Variants in RIMBP2 observed in about 807,000 individuals in gnomAD.
The protein encoded by RIMBP2 is RIMS-binding protein 2.
In RIMBP2, 48 loss-of-function variants were observed where a neutral mutation model predicts 118.6. The ratio of observed to expected loss-of-function variants is 0.40; its 90% CI spans 0.32 to 0.51. The LOEUF (loss-of-function observed/expected upper bound fraction) is 0.51, where lower values mean the gene tolerates loss of function less well. Ranked by LOEUF, RIMBP2 falls within the 20% of genes least tolerant of loss-of-function variation. The probability of loss-of-function intolerance (pLI) is 0.41; values close to 1 mark genes in which losing one functional copy is unlikely to be tolerated. For synonymous variants in RIMBP2, 762 were observed against 742.9 expected, an observed-to-expected ratio of 1.03 and a Z score of -0.42; for missense variants, 1,551 against 1,768.3, an observed-to-expected ratio of 0.88 and a Z score of 2.20.
chr12:130,577,433 A>G (rs1438969521), intron 2 of RIMBP2, among the ~76,000 whole-genome samples: 1 of 152,240 alleles, frequency 6.6e-6, no homozygotes, highest in African/African-American at 2.4e-5. Context: ...GGGAGGCCTC[A>G]GGAAACTTAC....
chr12:130,520,672 CAAAA>C (rs1162018669), intron 2 of RIMBP2, among the ~76,000 whole-genome samples: 21 of 68,822 alleles, frequency 3.1e-4, no homozygotes, highest in East Asian at 1.0e-3. Context: ...AACTCCATCT[CAAAA>C]AAAAAAAAAA....
chr12:130,428,496 G>A, intron 14 of RIMBP2, 159 bp from the exon 15 acceptor site: 1 of 669,332 alleles, frequency 1.5e-6, no homozygotes, highest in Non-Finnish European at 2.4e-6. Context: ...TGGAAAGTGA[G>A]GCTGGAGAGA....
intron 2 of RIMBP2, among the ~76,000 whole-genome samples, chr12:130,608,183 C>T (rs780034916): frequency 6.6e-6 from 1 of 152,170 alleles, no homozygotes; most frequent in Non-Finnish European, 1.5e-5. Flanking sequence ...TGCTAGAAAA[C>T]GCTTTGGTTT....
At chr12:130,537,106 G>A (rs1007338327) in intron 2 of RIMBP2, among the ~76,000 whole-genome samples, 1 of 152,186 alleles carries the variant, frequency 6.6e-6, no homozygotes, top group Non-Finnish European at 1.5e-5. Flanking sequence ...AGGGCCAGAT[G>A]CAGTGTGGTG....
At chr12:130,516,090 G>C (rs1432734329) in intron 3 of RIMBP2, among the ~76,000 whole-genome samples, 3 of 152,128 alleles carry the variant, frequency 2.0e-5, no homozygotes, top group African/African-American at 7.2e-5. Flanking sequence ...GTTTTCTATA[G>C]TGGTTGCACC....
At chr12:130,437,352 G>A in intron 12 of RIMBP2, 61 bp from the exon 13 acceptor site, 1 of 1,406,452 alleles carries the variant, frequency 7.1e-7, no homozygotes, top group South Asian at 1.3e-5. Context: ...TCCTGCAATG[G>A]GGAGCCGACC....
In RIMBP2 at chr12:130,707,986, C is replaced by T. The variant is rs192409028; in HGVS notation, c.-352+8236G>A. Among the ~76,000 whole-genome samples, 123 of 152,226 alleles carry T rather than the reference C, an allele frequency of 8.1e-4. 1 individual carries two copies. The highest frequency in any genetic ancestry group is 2.9e-3 in the African/African-American group (121 of 41,546). On this transcript the variant is annotated intron_variant, in intron 1 of 22. Transcript: ENST00000690449. ...GACTATATTTGCAATAATCTCAGGC[C>T]TTTTAGAAAGTACTGATGCCTGTGG... is the stretch of plus-strand genomic sequence containing the variant.
chr12:130,396,449 C>CTT lies in RIMBP2; in HGVS notation c.*910_*911dup. On this transcript the variant is annotated 3_prime_UTR_variant, in exon 23 of 23. Transcript: ENST00000690449. ...TCTGCCAGCAACTTTGTAAGTAAGT[C>CTT]TTTTGTTCAAATGCCAATGATGAAG... The CTT allele has an allele frequency of 6.6e-6, 1 of 152,650 alleles. No individual in the cohort carries two copies. Among genetic ancestry groups the CTT allele is most frequent in the South Asian group, 2.1e-4 (1 of 4,824 alleles). The allele number at this position is 152,650 out of a possible 1,614,324, so 9.5% of individuals were successfully genotyped here.
At chr12:130,456,210 T>C (rs1429514867) in intron 7 of RIMBP2, among the ~76,000 whole-genome samples, 1 of 152,204 alleles carries the variant, frequency 6.6e-6, no homozygotes, top group African/African-American at 2.4e-5. Context: ...CATCAGCATC[T>C]GTGTGACCCA....
chr12:130,441,895 T>C lies in RIMBP2; in HGVS notation c.1457A>G (p.Gln486Arg), dbSNP rs2078168822. ...CACAAAGGCCTCCTTCTTCTCCCTT[T>C]GCTCCAGCGGGAGCTGCCACGGCAT... is the stretch of plus-strand genomic sequence containing the variant. Reference protein sequence around the residue: ...HQMPWQLPLEQREKKEAFVEF... With the variant: ...HQMPWQLPLERREKKEAFVEF... Residue 486 changes from glutamine to arginine, a missense_variant, in exon 11 of 23, where the codon CAA becomes CGA. Transcript: ENST00000690449. 1 of 1,613,742 alleles carries C rather than the reference T, an allele frequency of 6.2e-7. No homozygotes were observed. Among genetic ancestry groups the C allele is most frequent in the Non-Finnish European group, 8.5e-7 (1 of 1,180,054 alleles).
At chr12:130,513,490 C>T (rs1229422587) in intron 3 of RIMBP2, among the ~76,000 whole-genome samples, 2 of 148,028 alleles carry the variant, frequency 1.4e-5, no homozygotes, top group East Asian at 2.0e-4. Flanking sequence ...AGACCTGCTA[C>T]AGGAACAGTG....
At chr12:130,546,549 G>C (rs534149505) in intron 2 of RIMBP2, among the ~76,000 whole-genome samples, 2 of 152,256 alleles carry the variant, frequency 1.3e-5, no homozygotes, top group South Asian at 4.2e-4. Flanking sequence ...GCCCACCTCA[G>C]CCTCCCGAAG....
chr12:130,676,360 C>G, intron 1 of RIMBP2, among the ~76,000 whole-genome samples: 1 of 150,134 alleles, frequency 6.7e-6, no homozygotes, highest in Non-Finnish European at 1.5e-5. Context: ...CACGGTTGCT[C>G]ACGCCTGTAA....
At chr12:130,461,257 T>G (rs1056827337) in intron 6 of RIMBP2, among the ~76,000 whole-genome samples, 3 of 152,050 alleles carry the variant, frequency 2.0e-5, no homozygotes, top group Admixed American at 1.3e-4. Context: ...TCCTTACACC[T>G]CGGGGGGTCC....
At chr12:130,647,820 C>T (rs1298953410) in intron 1 of RIMBP2, among the ~76,000 whole-genome samples, 1 of 146,142 alleles carries the variant, frequency 6.8e-6, no homozygotes, top group East Asian at 1.9e-4. Context: ...CTCTACCTCT[C>T]TGCCTTTAAA....
At chr12:130,492,705 G>A (rs1003786930) in intron 4 of RIMBP2, among the ~76,000 whole-genome samples, 9 of 152,344 alleles carry the variant, frequency 5.9e-5, no homozygotes, top group African/African-American at 2.2e-4. Context: ...TTTCCAACAC[G>A]TACAGGCTGT....
chr12:130,656,937 A>G (rs988349100), intron 1 of RIMBP2, among the ~76,000 whole-genome samples: 1 of 152,146 alleles, frequency 6.6e-6, no homozygotes, highest in East Asian at 1.9e-4. Context: ...TCACTCTTTC[A>G]CCCAGGCAGG....
chr12:130,399,210 A>G (rs1315018483), intron 22 of RIMBP2: 16 of 1,091,608 alleles, frequency 1.5e-5, no homozygotes, highest in Non-Finnish European at 1.8e-5. Flanking sequence ...ATATAAAAAT[A>G]TAATATAGAA....
intron 2 of RIMBP2, among the ~76,000 whole-genome samples, chr12:130,618,024 T>TTAACCAAAAAAAA (rs71088771): frequency 1.5e-5 from 1 of 65,826 alleles, no homozygotes; most frequent in Non-Finnish European, 3.1e-5. Flanking sequence ...AGACCTCTTC[T>TTAACCAAAAAAAA]AAAAAAAAAA....
Sources: allele counts gnomAD v4.1 joint callset (sites outside exome capture counted in the v4.1 genomes callset), GRCh38; gene constraint gnomAD v4.1.1; transcripts MANE v1.5; gene names NCBI Gene and HGNC (gene_info 2026-07-23, HGNC 2026-07-21).